The following KCNQ3 variants were observed in gnomAD, a reference collection of about 807,000 sequenced individuals.
KCNQ3 encodes potassium voltage-gated channel subfamily KQT member 3.
A neutral mutation model predicts 92.5 loss-of-function variants in KCNQ3; 30 were observed. The ratio of observed to expected loss-of-function variants is 0.32; its 90% CI spans 0.24 to 0.44. The LOEUF (loss-of-function observed/expected upper bound fraction) is 0.44. Ranked by LOEUF, KCNQ3 falls within the 20% of genes least tolerant of loss-of-function variation. KCNQ3 has a pLI of 1.00. For synonymous variants in KCNQ3, 450 were observed against 468.8 expected, an observed-to-expected ratio of 0.96 and a Z score of 0.52; for missense variants, 913 against 1,140.3, an observed-to-expected ratio of 0.80 and a Z score of 2.87.
At chr8:132,401,492 C>T (rs889368158) in intron 1 of KCNQ3, among the ~76,000 whole-genome samples, 2 of 152,152 alleles carry the variant, frequency 1.3e-5, no homozygotes, top group Non-Finnish European at 2.9e-5. Context: ...TCTCCTGCCT[C>T]AGACCCCCAA....
chr8:132,256,861 T>C lies in KCNQ3; in HGVS notation c.387-70680A>G, dbSNP rs74568949. ...TTGCAGACCTTCACTACAAGAAATA[T>C]TGAAAGGAGTCTTTTAGGATGAAAG... On this transcript the variant is annotated intron_variant, in intron 1 of 14. Transcript: ENST00000388996. Among the ~76,000 whole-genome samples, 467 of 152,218 alleles carry C rather than the reference T, an allele frequency of 3.1e-3. 18 individuals carry two copies. In the East Asian group the frequency reaches 0.069, roughly 23 times the overall value.
At chr8:132,459,471 G>A (rs1460370538) in intron 1 of KCNQ3, among the ~76,000 whole-genome samples, 1 of 152,162 alleles carries the variant, frequency 6.6e-6, no homozygotes, top group South Asian at 2.1e-4. Flanking sequence ...CAAGGCAGAG[G>A]AAAGGTGTCA....
chr8:132,180,088 G>T, intron 4 of KCNQ3, 69 bp downstream of exon 4: 1 of 1,526,636 alleles, frequency 6.6e-7, no homozygotes, highest in South Asian at 1.1e-5. Context: ...TGCAAAGGAA[G>T]GGATGTCATG....
At chr8:132,173,176 T>C (rs1826439336) in intron 6 of KCNQ3, among the ~76,000 whole-genome samples, 2 of 152,198 alleles carry the variant, frequency 1.3e-5, no homozygotes, top group Non-Finnish European at 2.9e-5. Context: ...TTCCCAGAAT[T>C]GGGATCTGTT....
At chr8:132,390,312 G>A (rs139915941) in intron 1 of KCNQ3, among the ~76,000 whole-genome samples, 5 of 152,270 alleles carry the variant, frequency 3.3e-5, no homozygotes, top group African/African-American at 1.2e-4. Flanking sequence ...TGCTTTTGGG[G>A]GAGAGTCTGG....
intron 1 of KCNQ3, among the ~76,000 whole-genome samples, chr8:132,331,833 A>G (rs1429393317): frequency 6.6e-6 from 1 of 152,230 alleles, no homozygotes; most frequent in African/African-American, 2.4e-5. Context: ...CTGTCTCACA[A>G]AGGCTGAAGA....
chr8:132,449,245 G>A (rs1051867994), intron 1 of KCNQ3, among the ~76,000 whole-genome samples: 4 of 152,098 alleles, frequency 2.6e-5, no homozygotes, highest in African/African-American at 9.7e-5. Flanking sequence ...CCATGTGTAT[G>A]CCTGCCTCCG....
chr8:132,158,188 T>C (rs919259216), intron 9 of KCNQ3, among the ~76,000 whole-genome samples: 1 of 152,222 alleles, frequency 6.6e-6, no homozygotes, highest in African/African-American at 2.4e-5. Flanking sequence ...TATGGGGTTG[T>C]GTTCAAGCCT....
At position 132,439,852 on chromosome 8, in the gene KCNQ3, T is replaced by G. The variant is rs1189266687; in HGVS notation, c.386+40295A>C. On this transcript the variant is annotated intron_variant, in intron 1 of 14. Coordinates refer to ENST00000388996, the MANE Select transcript of KCNQ3 (RefSeq NM_004519.4). ...CCTTCAGACATGTAAAATAACAAAT[T>G]TACACTGCTTTAAGCTGCTAAATTT... Among the ~76,000 whole-genome samples the G allele has an allele frequency of 3.3e-5, 5 of 152,158 alleles. No individual in the cohort carries two copies. The East Asian group carries it at 9.7e-4, about 29-fold the overall frequency.
chr8:132,220,173 A>G (rs1181085251), intron 1 of KCNQ3, among the ~76,000 whole-genome samples: 1 of 152,076 alleles, frequency 6.6e-6, no homozygotes, highest in East Asian at 1.9e-4. Context: ...CTGCAATTCC[A>G]AGAATAAAGA....
At chr8:132,310,404 T>C (rs1817559472) in intron 1 of KCNQ3, among the ~76,000 whole-genome samples, 1 of 152,200 alleles carries the variant, frequency 6.6e-6, no homozygotes, top group African/African-American at 2.4e-5. Context: ...TTAAGACTCC[T>C]CTCACTCCAG....
rs1189676899 is a variant in KCNQ3, at chr8:132,141,860, G to GA, written c.1263-530dup. ...TTGGCAGTCCGTGAGTTTGGATGGGGAAAAATACATTTTTAATTTACTAAC... is the reference window on the plus strand; with the variant it reads ...TTGGCAGTCCGTGAGTTTGGATGGGGAAAAAATACATTTTTAATTTACTAAC... On this transcript the variant is annotated intron_variant, in intron 9 of 14. Coordinates refer to ENST00000388996, the MANE Select transcript of KCNQ3 (RefSeq NM_004519.4). Among the ~76,000 whole-genome samples the GA allele has an allele frequency of 6.0e-4, 91 of 152,276 alleles. 1 individual carries two copies. The highest frequency in any genetic ancestry group is 3.2e-4 in the Non-Finnish European group (22 of 68,020).
At chr8:132,372,859 G>T (rs2721918) in intron 1 of KCNQ3, among the ~76,000 whole-genome samples, 1 of 151,848 alleles carries the variant, frequency 6.6e-6, no homozygotes, top group African/African-American at 2.4e-5. Context: ...CTCATGGGCC[G>T]GTTGTGAATA....
At chr8:132,147,919 CAGTTCCCTT>C (rs1207246743) in intron 9 of KCNQ3, among the ~76,000 whole-genome samples, 1 of 152,134 alleles carries the variant, frequency 6.6e-6, no homozygotes, top group Non-Finnish European at 1.5e-5. Flanking sequence ...AAAAGATCTG[CAGTTCCCTT>C]TAAGAGTACT....
intron 1 of KCNQ3, among the ~76,000 whole-genome samples, chr8:132,278,937 C>G (rs530419445): frequency 6.6e-6 from 1 of 152,142 alleles, no homozygotes; most frequent in South Asian, 2.1e-4. Flanking sequence ...GCACATCCGT[C>G]AGGGGCGGTG....
intron 1 of KCNQ3, among the ~76,000 whole-genome samples, chr8:132,227,059 T>TC (rs1814447890): frequency 1.1e-5 from 1 of 88,412 alleles, no homozygotes; most frequent in African/African-American, 5.4e-5. Context: ...CATATCTCAC[T>TC]CTTTTTTTTT....
chr8:132,202,628 C>G (rs915712905), intron 1 of KCNQ3, among the ~76,000 whole-genome samples: 3 of 152,212 alleles, frequency 2.0e-5, no homozygotes, highest in Non-Finnish European at 4.4e-5. Context: ...GGCATGGACA[C>G]AGTTTAGCCA....
Position 132,413,579 on chromosome 8 carries a change from G to A in KCNQ3, c.386+66568C>T, listed in dbSNP as rs374515837. 5.1e-4 allele frequency among the ~76,000 whole-genome samples: 78 copies of A among 152,264 alleles called. No homozygotes were observed. The South Asian group carries it at 0.015, about 28-fold the overall frequency. ...CCCATGCCTATACAGGCCAGAATCC[G>A]AGAGGAATGAAATGATTGTGAAATG... On this transcript the variant is annotated intron_variant, in intron 1 of 14. Transcript: ENST00000388996.
chr8:132,415,872 A>T (rs2130803647), intron 1 of KCNQ3, among the ~76,000 whole-genome samples: 1 of 152,300 alleles, frequency 6.6e-6, no homozygotes, highest in Non-Finnish European at 1.5e-5. Flanking sequence ...ATCTAAAAAC[A>T]CTCACCATGG....
Sources: allele counts gnomAD v4.1 joint callset (sites outside exome capture counted in the v4.1 genomes callset), GRCh38; gene constraint gnomAD v4.1.1; transcripts MANE v1.5; gene names NCBI Gene and HGNC (gene_info 2026-07-23, HGNC 2026-07-21).